Variants in TEK observed in about 807,000 individuals in gnomAD.
TEK encodes TEK receptor tyrosine kinase.
In TEK, 43 loss-of-function variants were observed where a neutral mutation model predicts 131.8. That is an observed-to-expected ratio of 0.33 (90% CI 0.26 to 0.42). TEK has a LOEUF of 0.42. Ranked by LOEUF, TEK falls within the 10% of genes least tolerant of loss-of-function variation. TEK has a pLI of 1.00. For missense variants in TEK, 1,162 were observed against 1,384.4 expected (o/e 0.84, Z 2.55); for synonymous variants, 580 against 491.6 (o/e 1.18, Z -2.38).
chr9:27,169,365 A>G, intron 3 of TEK, 112 bp from the exon 4 acceptor site: 3 of 1,372,336 alleles, frequency 2.2e-6, no homozygotes, highest in Non-Finnish European at 3.1e-6. Flanking sequence ...CCAATATGTG[A>G]GAGCACATTT....
rs371780893 is a variant in TEK at position 27,158,165 on chromosome 9, GC to G, written c.364+24del. The G allele has an allele frequency of 4.3e-4, 699 of 1,613,816 alleles. 2 individuals carry two copies. In the African/African-American group the frequency reaches 8.7e-3, roughly 20 times the overall value. ...AAGGTAACATGCCCCTAAGTTTTGG[GC>G]AGGTGAGGCCCACTGAGGAACACAC... is the stretch of plus-strand genomic sequence containing the variant. On this transcript the variant is annotated intron_variant, in intron 2 of 22. Transcript: ENST00000380036.
intron 7 of TEK, 90 bp from the exon 8 acceptor site, chr9:27,183,369 C>A: frequency 7.1e-7 from 1 of 1,415,272 alleles, no homozygotes; most frequent in Non-Finnish European, 1.0e-6. Context: ...TTGCCCGGTG[C>A]ATGACTTACT....
chr9:27,136,353 T>A (rs1014506413), intron 1 of TEK, among the ~76,000 whole-genome samples: 3 of 152,294 alleles, frequency 2.0e-5, no homozygotes, highest in African/African-American at 7.2e-5. Context: ...GTGCTGGGAT[T>A]ACAGGCGTGA....
chr9:27,188,309 G>C (rs1187920924), intron 9 of TEK, among the ~76,000 whole-genome samples: 1 of 152,148 alleles, frequency 6.6e-6, no homozygotes, highest in African/African-American at 2.4e-5. Context: ...AAAGTCCCTT[G>C]AGCTAAATAC....
chr9:27,203,134 C>T lies in TEK; in HGVS notation c.2209+15C>T, dbSNP rs1325926604. ...AGAATCTCAAGGTTGGTTGAATGGA[C>T]AAGTATTTACATAGGATTACCGTGC... On this transcript the variant is annotated intron_variant, in intron 13 of 22. Coordinates refer to ENST00000380036, the MANE Select transcript of TEK (RefSeq NM_000459.5). The T allele has an allele frequency of 3.1e-6, 5 of 1,613,468 alleles. No homozygotes were observed. The highest frequency in any genetic ancestry group is 1.3e-5 in the African/African-American group (1 of 74,884).
At chr9:27,137,424 C>T (rs1316669178) in intron 1 of TEK, among the ~76,000 whole-genome samples, 1 of 150,620 alleles carries the variant, frequency 6.6e-6, no homozygotes, top group African/African-American at 2.5e-5. Flanking sequence ...CTTTTTTCAG[C>T]TATTTTAGGT....
intron 1 of TEK, among the ~76,000 whole-genome samples, chr9:27,152,266 T>C (rs981842973): frequency 9.2e-5 from 14 of 152,112 alleles, no homozygotes; most frequent in African/African-American, 3.4e-4. Context: ...AATTCTGAGG[T>C]AGTAAGAAGC....
intron 21 of TEK, among the ~76,000 whole-genome samples, chr9:27,221,462 CCCCTGTGCTCCCTG>C (rs1564109416): frequency 3.3e-5 from 5 of 151,768 alleles, no homozygotes; most frequent in Non-Finnish European, 1.5e-5. Flanking sequence ...CCTGACCCGA[CCCCTGTGCTCCCTG>C]ACTGGGAGAC....
At chr9:27,215,103 C>T (rs555366093) in intron 18 of TEK, among the ~76,000 whole-genome samples, 2 of 152,278 alleles carry the variant, frequency 1.3e-5, no homozygotes, top group South Asian at 4.1e-4. Context: ...CACAGGATAA[C>T]TCCACAATCT....
intron 1 of TEK, among the ~76,000 whole-genome samples, chr9:27,116,086 G>A (rs759390507): frequency 1.3e-5 from 2 of 152,144 alleles, no homozygotes; most frequent in Non-Finnish European, 2.9e-5. Flanking sequence ...GGATAACAGG[G>A]GGCTTGAGAG....
At chr9:27,220,936 TCACTCCCCTGGAAAGGGGGCTG>T (rs1826046157) in intron 21 of TEK, among the ~76,000 whole-genome samples, 1 of 152,314 alleles carries the variant, frequency 6.6e-6, no homozygotes, top group Non-Finnish European at 1.5e-5. Context: ...TAAGAACTAT[TCACTCCCCTGGAAAGGGGGCTG>T]AAGCCAGGGA....
At chr9:27,175,329 A>G (rs912495473) in intron 6 of TEK, among the ~76,000 whole-genome samples, 3 of 150,292 alleles carry the variant, frequency 2.0e-5, no homozygotes, top group Non-Finnish European at 3.0e-5. Flanking sequence ...ATCATTTTTT[A>G]TGGCTGCATA....
intron 18 of TEK, among the ~76,000 whole-genome samples, chr9:27,215,002 G>C (rs1825766105): frequency 6.6e-6 from 1 of 152,162 alleles, no homozygotes; most frequent in South Asian, 2.1e-4. Flanking sequence ...ACCACCTGGT[G>C]TCCTCAAATC....
Position 27,112,982 on chromosome 9 carries a change from A to G in TEK, c.52+3340A>G, listed in dbSNP as rs139041291. Among the ~76,000 whole-genome samples the G allele has an allele frequency of 4.5e-4, 69 of 152,354 alleles. No individual in the cohort carries two copies. The South Asian group carries it at 0.014, about 32-fold the overall frequency. On this transcript the variant is annotated intron_variant, in intron 1 of 22. Coordinates refer to ENST00000380036, the MANE Select transcript of TEK (RefSeq NM_000459.5). ...CTAAAAAGGTACTGCATAAGCTGTC[A>G]TATGTTGTATTAGCAGAAATATGAA... is the stretch of plus-strand genomic sequence containing the variant.
At chr9:27,148,870 A>C (rs770711015) in intron 1 of TEK, among the ~76,000 whole-genome samples, 17 of 152,122 alleles carry the variant, frequency 1.1e-4, no homozygotes, top group Non-Finnish European at 2.5e-4. Flanking sequence ...GTATTTTTCT[A>C]CTTGGTCATT....
intron 15 of TEK, among the ~76,000 whole-genome samples, chr9:27,208,289 T>C (rs1169163288): frequency 2.0e-5 from 3 of 152,120 alleles, no homozygotes; most frequent in African/African-American, 4.8e-5. Flanking sequence ...TTTCTAAGCA[T>C]GAGCAGCCAT....
At chr9:27,131,007 C>T (rs1056897819) in intron 1 of TEK, among the ~76,000 whole-genome samples, 1 of 151,884 alleles carries the variant, frequency 6.6e-6, no homozygotes, top group Non-Finnish European at 1.5e-5. Context: ...AAAAGTTTAC[C>T]CTCTAAAACA....
chr9:27,205,107 A>G, intron 14 of TEK, 42 bp downstream of exon 14: 1 of 1,612,268 alleles, frequency 6.2e-7, no homozygotes, highest in South Asian at 1.1e-5. Flanking sequence ...GGCAAGTCCA[A>G]GTACAGGCAG....
At chr9:27,197,166 T>G in intron 11 of TEK, 149 bp from the exon 12 acceptor site, 1 of 753,370 alleles carries the variant, frequency 1.3e-6, no homozygotes, top group Non-Finnish European at 2.2e-6. Context: ...AAACCATTCA[T>G]GGGAAGTCAC....
Sources: gnomAD v4.1 joint callset for allele counts (sites outside exome capture counted in the v4.1 genomes callset) on GRCh38, gnomAD v4.1.1 for gene constraint, MANE v1.5 for transcripts, NCBI Gene and HGNC (gene_info 2026-07-23, HGNC 2026-07-21) for gene names.